The following THOC5 variants were observed in gnomAD, a reference collection of about 807,000 sequenced individuals.
THOC5 encodes Fms-interacting protein.
THOC5 carries 43 observed loss-of-function variants against 92.9 expected under a neutral mutation model. That is an observed-to-expected ratio of 0.46 (90% CI 0.36 to 0.60). The LOEUF is 0.60. THOC5 is among the 20% of genes least tolerant of loss of function. The probability of loss-of-function intolerance (pLI) is 0.00; values close to 1 mark genes in which losing one functional copy is unlikely to be tolerated. For synonymous variants in THOC5, 296 were observed against 320.1 expected (o/e 0.92, Z 0.80); for missense variants, 659 against 849.4 (o/e 0.78, Z 2.79).
intron 13 of THOC5, 41 bp downstream of exon 13, chr22:29,520,957 C>G (rs754425880): frequency 6.6e-7 from 1 of 1,514,692 alleles, no homozygotes; most frequent in Non-Finnish European, 9.2e-7. Context: ...CAGAGAAACT[C>G]AGAAGTAGAG....
chr22:29,531,239 T>G, intron 8 of THOC5: 1 of 1,020,878 alleles, frequency 9.8e-7, no homozygotes, highest in Non-Finnish European at 1.2e-6. Context: ...GCGGTGTATG[T>G]CTGTCTGATG....
At chr22:29,534,286 G>A (rs1267930963) in intron 7 of THOC5, among the ~76,000 whole-genome samples, 1 of 152,182 alleles carries the variant, frequency 6.6e-6, no homozygotes, top group Non-Finnish European at 1.5e-5. Flanking sequence ...GGAAGATAGG[G>A]ACTGCGAGGG....
intron 12 of THOC5, among the ~76,000 whole-genome samples, chr22:29,523,625 C>T (rs531981034): frequency 2.0e-5 from 3 of 152,080 alleles, no homozygotes; most frequent in Admixed American, 6.6e-5. Context: ...AATACAAAGA[C>T]GGTGGAAAGC....
At position 29,520,065 on chromosome 22, in the gene THOC5, G is replaced by T. The variant is rs1456409569; in HGVS notation, c.1317C>A (p.His439Gln). Residue 439 changes from histidine to glutamine, a missense_variant, in exon 14 of 20, where the codon CAC becomes CAA. Physicochemically the swap from His to Gln is conservative, Grantham distance 24. Transcript: ENST00000490103. ...TLSDYVLELGHPYLWVQKLGG... is the reference protein window; with the variant it reads ...TLSDYVLELGQPYLWVQKLGG... ...CCAGCTTCTGCACCCACAAATAGGG[G>T]TGACCTAGCTCAAGTACATAGTCGC... The T allele has an allele frequency of 6.2e-7, 1 of 1,613,852 alleles. No individual in the cohort carries two copies. The highest frequency in any genetic ancestry group is 1.3e-5 in the African/African-American group (1 of 74,904).
At chr22:29,528,227 C>T in intron 10 of THOC5, 50 bp from the exon 11 acceptor site, 1 of 1,614,064 alleles carries the variant, frequency 6.2e-7, no homozygotes, top group Non-Finnish European at 8.5e-7. Flanking sequence ...TAGCAATCTC[C>T]CCTTCCCTCT....
chr22:29,552,774 C>G (rs1253530042), intron 1 of THOC5, among the ~76,000 whole-genome samples: 1 of 152,124 alleles, frequency 6.6e-6, no homozygotes, highest in Non-Finnish European at 1.5e-5. Context: ...GCCATGATGA[C>G]GATGGCGGTT....
At chr22:29,523,721 T>G (rs1288121785) in intron 12 of THOC5, among the ~76,000 whole-genome samples, 1 of 152,134 alleles carries the variant, frequency 6.6e-6, no homozygotes, top group East Asian at 1.9e-4. Flanking sequence ...TCATTGGCAA[T>G]GTATGGGCCT....
chr22:29,521,189 C>T (rs1403974318), intron 12 of THOC5, 90 bp from the exon 13 acceptor site: 3 of 922,602 alleles, frequency 3.3e-6, no homozygotes, highest in Admixed American at 3.7e-5. Flanking sequence ...AATGCCACGT[C>T]TCACTGATGA....
At chr22:29,536,995 C>A (rs558621549) in intron 6 of THOC5, among the ~76,000 whole-genome samples, 2 of 152,352 alleles carry the variant, frequency 1.3e-5, no homozygotes, top group African/African-American at 2.4e-5. Flanking sequence ...AGATAACTTG[C>A]CCAAGGGCAT....
chr22:29,532,959 G>C (rs10427559), intron 7 of THOC5, among the ~76,000 whole-genome samples: 30,472 of 152,008 alleles, frequency 0.2, 3,313 homozygotes, highest in East Asian at 0.42. Context: ...GCCTGGGCAA[G>C]AGAGCAAGAC....
At chr22:29,516,934 G>A (rs2146451156) in intron 17 of THOC5, 95 bp downstream of exon 17, 1 of 1,162,546 alleles carries the variant, frequency 8.6e-7, no homozygotes, top group Admixed American at 1.8e-5. Context: ...GTCCTTGCAG[G>A]ACTCCAGGAT....
intron 11 of THOC5, 73 bp downstream of exon 11, chr22:29,528,005 G>A: frequency 6.9e-7 from 1 of 1,458,496 alleles, no homozygotes; most frequent in Non-Finnish European, 9.6e-7. Flanking sequence ...TTGGCTCCCG[G>A]ACCCTCTGCA....
chr22:29,547,005 T>G (rs1391436530), intron 2 of THOC5, among the ~76,000 whole-genome samples: 3 of 151,760 alleles, frequency 2.0e-5, no homozygotes, highest in Non-Finnish European at 2.9e-5. Context: ...CATGTCTGGC[T>G]AATTTTTATT....
At chr22:29,528,579 T>C (rs1343987364) in intron 9 of THOC5, 113 bp from the exon 10 acceptor site, 4 of 1,003,506 alleles carry the variant, frequency 4.0e-6, no homozygotes, top group Non-Finnish European at 6.1e-6. Flanking sequence ...TAAATAAGTT[T>C]CTCTGTAATA....
At position 29,531,704 on chromosome 22, in the gene THOC5, C is replaced by G. The variant is rs554411769; in HGVS notation, c.847+127G>C. 20 of 1,480,446 alleles carry G rather than the reference C, an allele frequency of 1.4e-5. No individual in the cohort carries two copies. In the Admixed American group the frequency reaches 4.4e-4, roughly 33 times the overall value. The allele number at this position is 1,480,446 out of a possible 1,614,324, so 91.7% of individuals were successfully genotyped here. ...GCTGGGCAATGCAGAGGGAAGAAAG[C>G]TTCTGTCACCTGAGGGCTTCGGGCA... is the stretch of plus-strand genomic sequence containing the variant. On this transcript the variant is annotated intron_variant, in intron 8 of 19. Transcript: ENST00000490103.
At chr22:29,533,371 A>G (rs1327241215) in intron 7 of THOC5, among the ~76,000 whole-genome samples, 2 of 152,262 alleles carry the variant, frequency 1.3e-5, no homozygotes, top group Non-Finnish European at 2.9e-5. Context: ...TTGATTTGTA[A>G]CAAAAGTGGC....
At chr22:29,543,181 T>A (rs1310361215) in intron 4 of THOC5, among the ~76,000 whole-genome samples, 1 of 151,352 alleles carries the variant, frequency 6.6e-6, no homozygotes, top group Non-Finnish European at 1.5e-5. Context: ...CCATCTCTAC[T>A]AAAAAATACA....
chr22:29,550,110 C>T (rs1332053455), intron 1 of THOC5, among the ~76,000 whole-genome samples: 1 of 152,124 alleles, frequency 6.6e-6, no homozygotes, highest in Non-Finnish European at 1.5e-5. Context: ...CTACTGTGAT[C>T]ACTGTGTGCT....
At chr22:29,509,113 T>C (rs1418892325) in intron 19 of THOC5, among the ~76,000 whole-genome samples, 1 of 151,530 alleles carries the variant, frequency 6.6e-6, no homozygotes, top group Non-Finnish European at 1.5e-5. Flanking sequence ...TGGATCTGAG[T>C]CACTGAAGGA....
Sources: allele counts gnomAD v4.1 joint callset (sites outside exome capture counted in the v4.1 genomes callset), GRCh38; gene constraint gnomAD v4.1.1; transcripts MANE v1.5; gene names NCBI Gene and HGNC (gene_info 2026-07-23, HGNC 2026-07-21).